The following POU2F2 variants were observed in gnomAD, a reference collection of about 807,000 sequenced individuals.
POU2F2 encodes POU domain, class 2, transcription factor 2.
Under a neutral mutation model 63.5 loss-of-function variants are expected in POU2F2, and 14 were observed. The ratio of observed to expected loss-of-function variants is 0.22; its 90% CI spans 0.15 to 0.34. The LOEUF is 0.34. POU2F2 is among the 10% of genes least tolerant of loss of function. POU2F2 has a pLI of 1.00. For missense variants in POU2F2, 607 were observed against 815.2 expected (o/e 0.74, Z 3.11); for synonymous variants, 306 against 348.6 (o/e 0.88, Z 1.36).
In POU2F2 at chr19:42,086,841, AC is replaced by A. The variant is rs1490148126; in HGVS notation, c.*4415del. 6.6e-6 allele frequency: 1 copy of A among 152,238 alleles called. No homozygotes were observed. Among genetic ancestry groups the A allele is most frequent in the Non-Finnish European group, 1.5e-5 (1 of 68,056 alleles). The allele number at this position is 152,238 out of a possible 1,614,324, so 9.4% of individuals were successfully genotyped here. On this transcript the variant is annotated 3_prime_UTR_variant, in exon 15 of 15. Transcript: ENST00000692977. ...GGGAGGGAGGCAGAAGGGAGGGGTC[AC>A]AGACATAGTAAATAGTTGTCTCCAT...
rs1033599301 is a variant in POU2F2 at position 42,169,061 on chromosome 19, A to G, written c.-70+6902T>C. ...GCTTCTAAGACAGGGCCTGACTCCT[A>G]TAGAGGCTCAGTACCTATGTGATGA... On this transcript the variant is annotated intron_variant, in intron 1 of 6. Transcript: ENST00000524801. This position sits in a 1 kb window ranked among gnomAD's most constrained non-coding sequence, Gnocchi z 4.3. Among the ~76,000 whole-genome samples the G allele has an allele frequency of 2.6e-5, 4 of 152,216 alleles. No individual in the cohort carries two copies. Among genetic ancestry groups the G allele is most frequent in the African/African-American group, 7.2e-5 (3 of 41,452 alleles).
chr19:42,180,082 T>C (rs1236838870), upstream of POU2F2, among the ~76,000 whole-genome samples: 2 of 151,982 alleles, frequency 1.3e-5, no homozygotes, highest in Admixed American at 6.6e-5. Flanking sequence ...ACTAGGCACA[T>C]GGGCCTACAG....
At chr19:42,147,897 C>T (rs1257715785) in intron 2 of POU2F2, among the ~76,000 whole-genome samples, 2 of 152,136 alleles carry the variant, frequency 1.3e-5, no homozygotes, top group Admixed American at 6.5e-5. Context: ...TTTCCCCTTT[C>T]CCTGACCCCT....
chr19:42,106,882 C>T (rs2030165350), intron 5 of POU2F2, among the ~76,000 whole-genome samples: 1 of 151,652 alleles, frequency 6.6e-6, no homozygotes, highest in Non-Finnish European at 1.5e-5. Context: ...GAAAATTAGC[C>T]AGGCATGGTG....
intron 1 of POU2F2, among the ~76,000 whole-genome samples, chr19:42,171,731 C>T (rs1477578596): frequency 1.3e-5 from 2 of 152,086 alleles, no homozygotes; most frequent in Non-Finnish European, 2.9e-5. Context: ...GGGAGGGTCC[C>T]CAGTCTGCTC....
intron 1 of POU2F2, among the ~76,000 whole-genome samples, chr19:42,189,569 G>A (rs1938821373): frequency 6.6e-6 from 1 of 152,098 alleles, no homozygotes; most frequent in Non-Finnish European, 1.5e-5. Flanking sequence ...TATCTTTCTT[G>A]CTTAAGTTAG....
At chr19:42,102,933 A>G (rs1304393555) in intron 5 of POU2F2, among the ~76,000 whole-genome samples, 1 of 151,962 alleles carries the variant, frequency 6.6e-6, no homozygotes, top group Non-Finnish European at 1.5e-5. Flanking sequence ...ACCTGCCTAC[A>G]AGTCCCTTTA....
chr19:42,154,469 GGAGA>G, intron 2 of POU2F2, among the ~76,000 whole-genome samples: 1 of 152,040 alleles, frequency 6.6e-6, no homozygotes, highest in African/African-American at 2.4e-5. Context: ...CTGGAGAGAC[GGAGA>G]GAGAAACAGA....
Position 42,117,159 on chromosome 19 carries a change from G to T in POU2F2, c.369+91C>A. 1 of 1,069,280 alleles carries T rather than the reference G, an allele frequency of 9.4e-7. No individual in the cohort carries two copies. The highest frequency in any genetic ancestry group is 1.3e-6 in the Non-Finnish European group (1 of 743,734). 66.2% of individuals were successfully genotyped at this position (1,069,280 alleles called of 1,614,324 possible). On this transcript the variant is annotated intron_variant, in intron 5 of 14. Coordinates refer to ENST00000692977, the MANE Select transcript of POU2F2 (RefSeq NM_001394376.1). This position sits in a 1 kb window ranked among gnomAD's most constrained non-coding sequence, Gnocchi z 4.4. The stretch of plus-strand genomic sequence containing the variant: ...GAGGCAGGTGTGAGAGAGTGGCCAT[G>T]GCCTTGGTGGAACAGTTCATCCACT...
At chr19:42,166,416 G>C (rs2034651389) in intron 1 of POU2F2, among the ~76,000 whole-genome samples, 1 of 152,022 alleles carries the variant, frequency 6.6e-6, no homozygotes, top group South Asian at 2.1e-4. Flanking sequence ...ATAAATAGCA[G>C]CTATTATTAG....
At position 42,089,237 on chromosome 19, in the gene POU2F2, C is replaced by CAGGAAGGAGGAGAGGAGAG. The variant is rs1359857642; in HGVS notation, c.*2001_*2019dup. On this transcript the variant is annotated 3_prime_UTR_variant, in exon 15 of 15. Coordinates refer to ENST00000692977, the MANE Select transcript of POU2F2 (RefSeq NM_001394376.1). Reference sequence around the variant, plus strand: ...GGAGAGCAAAGGGAGAGAGAGGAGACAGGAAGGAGGAGAGGAGAGAGGAAG... The same window carrying CAGGAAGGAGGAGAGGAGAG: ...GGAGAGCAAAGGGAGAGAGAGGAGACAGGAAGGAGGAGAGGAGAGAGGAAGGAGGAGAGGAGAGAGGAAG... 4.5e-4 allele frequency: 68 copies of CAGGAAGGAGGAGAGGAGAG among 149,558 alleles called. No homozygotes were observed. Among genetic ancestry groups the CAGGAAGGAGGAGAGGAGAG allele is most frequent in the African/African-American group, 1.7e-3 (67 of 40,272 alleles). 9.3% of individuals were successfully genotyped at this position (149,558 alleles called of 1,614,324 possible).
At chr19:42,093,710 C>T (rs2076816958) in intron 12 of POU2F2, 119 bp downstream of exon 12, 3 of 1,019,918 alleles carry the variant, frequency 2.9e-6, no homozygotes, top group Non-Finnish European at 2.9e-6. Context: ...ATTCCCCCAC[C>T]CACACTCCCC....
intron 2 of POU2F2, among the ~76,000 whole-genome samples, chr19:42,141,748 G>A (rs995828854): frequency 2.0e-5 from 3 of 152,088 alleles, no homozygotes; most frequent in African/African-American, 4.8e-5. Flanking sequence ...CCAAAGTGCT[G>A]GGATTACAGG....
At chr19:42,196,965 G>A (rs992110042), upstream of POU2F2, among the ~76,000 whole-genome samples, 2 of 152,240 alleles carry the variant, frequency 1.3e-5, no homozygotes, top group Non-Finnish European at 2.9e-5. Context: ...CGGAAGCAGG[G>A]GCAGAGCCTG....
At chr19:42,122,658 C>G in intron 1 of POU2F2, 82 bp from the exon 2 acceptor site, 7 of 1,286,476 alleles carry the variant, frequency 5.4e-6, no homozygotes, top group Non-Finnish European at 7.5e-6. Context: ...CCACACTCCC[C>G]AAGCCTTTCC....
intron 1 of POU2F2, among the ~76,000 whole-genome samples, chr19:42,186,325 A>G (rs562300631): frequency 6.6e-6 from 1 of 152,058 alleles, no homozygotes; most frequent in African/African-American, 2.4e-5. Flanking sequence ...ACAGAGCGAG[A>G]CTCCATCTCA....
chr19:42,185,414 C>T (rs2035002366), intron 1 of POU2F2, among the ~76,000 whole-genome samples: 1 of 152,158 alleles, frequency 6.6e-6, no homozygotes, highest in Admixed American at 6.5e-5. Flanking sequence ...CAAACTCTTA[C>T]TTCCTGTTGC....
chr19:42,175,864 C>T (rs1456896508), intron 1 of POU2F2: 1 of 152,198 alleles, frequency 6.6e-6, no homozygotes, highest in African/African-American at 2.4e-5. Flanking sequence ...GCTGCTTTTT[C>T]CTATTTCTCA....
At chr19:42,113,672 C>T (rs1027844088) in intron 5 of POU2F2, among the ~76,000 whole-genome samples, 3 of 152,240 alleles carry the variant, frequency 2.0e-5, no homozygotes, top group African/African-American at 7.2e-5. Flanking sequence ...CGGGGAGCCC[C>T]TCAGGGGCAA....
Sources: allele counts gnomAD v4.1 joint callset (sites outside exome capture counted in the v4.1 genomes callset), GRCh38; gene constraint gnomAD v4.1.1; non-coding constraint Gnocchi (gnomAD v3.1); transcripts MANE v1.5; gene names NCBI Gene and HGNC (gene_info 2026-07-23, HGNC 2026-07-21).